Variants in PSPC1 observed in about 807,000 individuals in gnomAD.
PSPC1 encodes paraspeckle component 1, also known as paraspeckle protein 1.
In PSPC1, 14 loss-of-function variants were observed where a neutral mutation model predicts 51.6. That is an observed-to-expected ratio of 0.27 (90% CI 0.18 to 0.42). PSPC1 has a LOEUF of 0.42. PSPC1 is among the 10% of genes least tolerant of loss of function. The probability of loss-of-function intolerance (pLI) is 1.00; values close to 1 mark genes in which losing one functional copy is unlikely to be tolerated. For missense variants in PSPC1, 406 were observed against 701.1 expected (o/e 0.58, Z 4.75); for synonymous variants, 193 against 231.9 (o/e 0.83, Z 1.53).
intron 6 of PSPC1, among the ~76,000 whole-genome samples, chr13:19,722,053 A>T (rs1882834686): frequency 1.3e-5 from 2 of 152,362 alleles, no homozygotes; most frequent in South Asian, 4.1e-4. Flanking sequence ...TCAAACAGCT[A>T]CTTAATTCTC....
chr13:19,695,723 A>AT (rs545498149), intron 6 of PSPC1, among the ~76,000 whole-genome samples: 93 of 150,910 alleles, frequency 6.2e-4, no homozygotes, highest in South Asian at 1.9e-3. Flanking sequence ...AATTTTTATC[A>AT]TTTTTTTTTC....
intron 6 of PSPC1, among the ~76,000 whole-genome samples, chr13:19,726,712 A>G (rs1422522256): frequency 6.6e-6 from 1 of 152,168 alleles, no homozygotes; most frequent in Non-Finnish European, 1.5e-5. Context: ...GCAACATATC[A>G]AGACCCCATC....
intron 3 of PSPC1, among the ~76,000 whole-genome samples, chr13:19,752,218 T>G (rs1423933455): frequency 6.6e-6 from 1 of 152,304 alleles, no homozygotes. Context: ...TTACTACCAT[T>G]GTAGTTAATT....
intron 4 of PSPC1, among the ~76,000 whole-genome samples, chr13:19,742,814 G>C (rs1054374462): frequency 6.6e-6 from 1 of 152,128 alleles, no homozygotes; most frequent in Non-Finnish European, 1.5e-5. Context: ...GACACCAGCA[G>C]AGAGCACTTA....
chr13:19,732,836 A>T (rs554673781), intron 5 of PSPC1, among the ~76,000 whole-genome samples: 1 of 152,086 alleles, frequency 6.6e-6, no homozygotes, highest in Non-Finnish European at 1.5e-5. Flanking sequence ...CTGACGCAGG[A>T]GAATCGCTTG....
intron 6 of PSPC1, among the ~76,000 whole-genome samples, chr13:19,682,552 T>C (rs183662540): frequency 2.0e-5 from 3 of 148,220 alleles, no homozygotes; most frequent in Non-Finnish European, 3.0e-5. Flanking sequence ...CGGAAAATGT[T>C]CACAACGTCA....
chr13:19,683,432 C>T lies in PSPC1; in HGVS notation c.1159-5609G>A, dbSNP rs370964001. Among the ~76,000 whole-genome samples the T allele has an allele frequency of 4.6e-5, 7 of 152,270 alleles. No individual in the cohort carries two copies. The East Asian group carries it at 1.4e-3, about 29-fold the overall frequency. ...AGAGAAAAAAGAGTACATATTGTAC[C>T]ATTCCATTTCTATGAAATTCAAAAA... On this transcript the variant is annotated intron_variant and NMD_transcript_variant, in intron 6 of 7. Transcript: ENST00000471658.
intron 7 of PSPC1, among the ~76,000 whole-genome samples, chr13:19,707,828 C>T (rs1227807237): frequency 6.6e-6 from 1 of 152,024 alleles, no homozygotes; most frequent in Non-Finnish European, 1.5e-5. Context: ...ATGATAACAG[C>T]CTTTTAAACT....
At chr13:19,777,614 T>C (rs1204470384) in intron 1 of PSPC1, among the ~76,000 whole-genome samples, 1 of 152,118 alleles carries the variant, frequency 6.6e-6, no homozygotes, top group East Asian at 1.9e-4. Context: ...ATATTTACCC[T>C]TCTCTTGAAG....
At chr13:19,749,011 AC>A (rs1319772414) in intron 4 of PSPC1, among the ~76,000 whole-genome samples, 7 of 151,728 alleles carry the variant, frequency 4.6e-5, no homozygotes, top group African/African-American at 1.7e-4. Flanking sequence ...GGAGTTCAAG[AC>A]CAGCTTGGCC....
chr13:19,735,376 G>C (rs1384265977), intron 5 of PSPC1, among the ~76,000 whole-genome samples: 2 of 152,100 alleles, frequency 1.3e-5, no homozygotes, highest in Non-Finnish European at 2.9e-5. Context: ...AGGAATGAAG[G>C]AATAAGTGAA....
chr13:19,703,776 G>T (rs1880265850), intron 8 of PSPC1, among the ~76,000 whole-genome samples: 1 of 151,942 alleles, frequency 6.6e-6, no homozygotes, highest in Non-Finnish European at 1.5e-5. Context: ...CATCAATTCG[G>T]TTTTTTAAAA....
intron 7 of PSPC1, among the ~76,000 whole-genome samples, chr13:19,676,384 C>T (rs914889163): frequency 6.6e-6 from 1 of 152,138 alleles, no homozygotes; most frequent in Non-Finnish European, 1.5e-5. Flanking sequence ...CTGGTCTAGG[C>T]CTGAGAACCA....
At chr13:19,733,302 A>T (rs554163911) in intron 5 of PSPC1, among the ~76,000 whole-genome samples, 1 of 152,314 alleles carries the variant, frequency 6.6e-6, no homozygotes, top group Non-Finnish European at 1.5e-5. Context: ...AAGGGCAAGT[A>T]AAAGAATGGT....
At chr13:19,715,563 C>G (rs1019847002) in intron 6 of PSPC1, among the ~76,000 whole-genome samples, 1 of 152,126 alleles carries the variant, frequency 6.6e-6, no homozygotes, top group African/African-American at 2.4e-5. Context: ...GGGTCTAAGT[C>G]AAAATGTAGG....
intron 4 of PSPC1, among the ~76,000 whole-genome samples, chr13:19,749,327 G>A (rs149480429): frequency 2.6e-4 from 40 of 152,042 alleles, no homozygotes; most frequent in African/African-American, 6.7e-4. Context: ...CAGCCTGGGC[G>A]ACAACAGTGA....
downstream of PSPC1, chr13:19,673,473 AACTTTAAAAG>A (rs1876273251): frequency 1.6e-5 from 3 of 187,722 alleles, no homozygotes; most frequent in Non-Finnish European, 3.3e-5. Context: ...CAAGTCTCAA[AACTTTAAAAG>A]ACAGTAGATA....
intron 2 of PSPC1, among the ~76,000 whole-genome samples, chr13:19,767,681 T>C (rs1888204723): frequency 6.6e-6 from 1 of 152,050 alleles, no homozygotes; most frequent in East Asian, 1.9e-4. Flanking sequence ...AAATCATAAA[T>C]TTTTTCAATT....
At chr13:19,765,929 A>C (rs1888026661) in intron 2 of PSPC1, among the ~76,000 whole-genome samples, 1 of 152,138 alleles carries the variant, frequency 6.6e-6, no homozygotes, top group African/African-American at 2.4e-5. Flanking sequence ...TTTTTGTCTA[A>C]AAGTAATCTC....
Sources: gnomAD v4.1 joint callset for allele counts (sites outside exome capture counted in the v4.1 genomes callset) on GRCh38, gnomAD v4.1.1 for gene constraint, MANE v1.5 for transcripts, NCBI Gene and HGNC (gene_info 2026-07-23, HGNC 2026-07-21) for gene names.